Variants in EEFSEC observed in about 807,000 individuals in gnomAD.
The protein encoded by EEFSEC is selenocysteine-specific elongation factor.
EEFSEC carries 43 observed loss-of-function variants against 42.1 expected under a neutral mutation model. The ratio of observed to expected loss-of-function variants is 1.02; its 90% CI spans 0.80 to 1.32. EEFSEC has a LOEUF of 1.32. Among genes scored for constraint, EEFSEC ranks in the 40% most tolerant of loss-of-function variants. EEFSEC has a pLI of 0.00. For synonymous variants in EEFSEC, 354 were observed against 339.1 expected, an observed-to-expected ratio of 1.04 and a Z score of -0.48; for missense variants, 745 against 803.6, an observed-to-expected ratio of 0.93 and a Z score of 0.88.
chr3:128,316,417 C>T (rs1388000042), intron 4 of EEFSEC, among the ~76,000 whole-genome samples: 2 of 152,154 alleles, frequency 1.3e-5, no homozygotes, highest in African/African-American at 2.4e-5. Flanking sequence ...CATCTCATAC[C>T]GATGCCTACC....
At chr3:128,328,325 A>G (rs894214611) in intron 4 of EEFSEC, among the ~76,000 whole-genome samples, 14 of 152,168 alleles carry the variant, frequency 9.2e-5, no homozygotes, top group African/African-American at 3.1e-4. Context: ...ACAGTCTAAC[A>G]GCCATCTTGT....
chr3:128,240,393 A>G (rs924220738), intron 1 of EEFSEC, among the ~76,000 whole-genome samples: 1 of 152,124 alleles, frequency 6.6e-6, no homozygotes, highest in African/African-American at 2.4e-5. Context: ...AGCTCCTGGT[A>G]AGGTTGTGAT....
At chr3:128,239,676 C>A (rs780019123) in intron 1 of EEFSEC, among the ~76,000 whole-genome samples, 4 of 152,184 alleles carry the variant, frequency 2.6e-5, no homozygotes, top group Non-Finnish European at 4.4e-5. Flanking sequence ...TCTACAGGAA[C>A]CTGAGTTTCC....
At chr3:128,258,076 T>C (rs1319393662) in intron 2 of EEFSEC, among the ~76,000 whole-genome samples, 5 of 140,144 alleles carry the variant, frequency 3.6e-5, no homozygotes, top group Admixed American at 1.4e-4. Context: ...AGCAAATAGC[T>C]TAGATGGCAC....
intron 2 of EEFSEC, among the ~76,000 whole-genome samples, chr3:128,257,998 G>C (rs1456816534): frequency 2.0e-5 from 3 of 152,150 alleles, no homozygotes; most frequent in Non-Finnish European, 1.5e-5. Context: ...TTAGATAGTG[G>C]CATGAAATTG....
chr3:128,393,421 C>G (rs2067940563), intron 6 of EEFSEC, among the ~76,000 whole-genome samples: 1 of 152,236 alleles, frequency 6.6e-6, no homozygotes, highest in Non-Finnish European at 1.5e-5. Flanking sequence ...AACACCAGCT[C>G]TGTTTCACTG....
rs1427764826 is a variant in EEFSEC, at chr3:128,154,049, C to T, written c.316+226C>T. The T allele has an allele frequency of 8.7e-5, 34 of 391,750 alleles. No homozygotes were observed. The Admixed American group carries it at 1.7e-3, about 20-fold the overall frequency. 24.3% of individuals were successfully genotyped at this position (391,750 alleles called of 1,614,324 possible). On this transcript the variant is annotated intron_variant, in intron 1 of 6. Coordinates refer to ENST00000254730, the MANE Select transcript of EEFSEC (RefSeq NM_021937.5). ...CATCCAGCAGAACCGAGCTGCAAGG[C>T]GCCTTCCTTAAAAAAAAAAAAAAAA...
At chr3:128,354,379 G>A (rs1405327744) in intron 5 of EEFSEC, among the ~76,000 whole-genome samples, 1 of 152,094 alleles carries the variant, frequency 6.6e-6, no homozygotes, top group East Asian at 1.9e-4. Context: ...CTCCTCAGAA[G>A]GTCAAAAAAA....
At chr3:128,284,120 C>T (rs140243507) in intron 4 of EEFSEC, among the ~76,000 whole-genome samples, 2 of 152,264 alleles carry the variant, frequency 1.3e-5, no homozygotes, top group East Asian at 3.9e-4. Flanking sequence ...ACCTCCAGCC[C>T]TCCACCCCCC....
chr3:128,314,683 G>T (rs2066925991), intron 4 of EEFSEC, among the ~76,000 whole-genome samples: 2 of 152,178 alleles, frequency 1.3e-5, no homozygotes, highest in South Asian at 4.1e-4. Context: ...TGCTATGAAG[G>T]CTGTCCTGGG....
intron 6 of EEFSEC, among the ~76,000 whole-genome samples, chr3:128,379,250 A>C (rs2067745527): frequency 6.6e-6 from 1 of 152,196 alleles, no homozygotes; most frequent in Non-Finnish European, 1.5e-5. Flanking sequence ...CGCAGAGAGC[A>C]CTTCGGGGTG....
intron 6 of EEFSEC, among the ~76,000 whole-genome samples, chr3:128,375,229 T>C (rs1242000216): frequency 6.6e-6 from 1 of 152,320 alleles, no homozygotes; most frequent in Non-Finnish European, 1.5e-5. Context: ...AGACAGTCCC[T>C]GGGGGATCAG....
intron 5 of EEFSEC, among the ~76,000 whole-genome samples, chr3:128,345,063 CT>C (rs977135381): frequency 1.3e-5 from 2 of 152,146 alleles, no homozygotes; most frequent in Non-Finnish European, 2.9e-5. Context: ...CAAGCCTGGG[CT>C]TTATTTACTC....
At chr3:128,175,695 T>C (rs951204722) in intron 1 of EEFSEC, among the ~76,000 whole-genome samples, 33 of 152,240 alleles carry the variant, frequency 2.2e-4, no homozygotes, top group African/African-American at 7.0e-4. Flanking sequence ...TGGTCCCTGC[T>C]GTTGGGGGAA....
intron 1 of EEFSEC, among the ~76,000 whole-genome samples, chr3:128,220,970 C>A (rs945453520): frequency 7.2e-5 from 11 of 152,226 alleles, no homozygotes; most frequent in African/African-American, 2.7e-4. Flanking sequence ...TCTCTGTTCA[C>A]CAAAGTGAAT....
At chr3:128,381,867 G>A (rs532357944) in intron 6 of EEFSEC, among the ~76,000 whole-genome samples, 44 of 152,308 alleles carry the variant, frequency 2.9e-4, no homozygotes, top group Admixed American at 5.2e-4. Context: ...GCACAAAGAT[G>A]TTCCTTTCCC....
chr3:128,372,190 G>A lies in EEFSEC; in HGVS notation c.1600+13817G>A, dbSNP rs971219239. On this transcript the variant is annotated intron_variant, in intron 6 of 6. Coordinates refer to ENST00000254730, the MANE Select transcript of EEFSEC (RefSeq NM_021937.5). ...TTAGGCAGTGGAAAGTGGAACTTGC[G>A]ATTGGCTGTCTCTGGAGGGTCTCTC... Among the ~76,000 whole-genome samples the A allele has an allele frequency of 2.6e-5, 4 of 152,312 alleles. No individual in the cohort carries two copies. The East Asian group carries it at 5.8e-4, about 22-fold the overall frequency.
chr3:128,252,092 C>T (rs549780828), intron 2 of EEFSEC, among the ~76,000 whole-genome samples: 5 of 152,326 alleles, frequency 3.3e-5, no homozygotes, highest in African/African-American at 1.2e-4. Flanking sequence ...CTTGATACAT[C>T]ATTCCCCCAG....
intron 4 of EEFSEC, among the ~76,000 whole-genome samples, chr3:128,320,745 A>G (rs758927444): frequency 3.9e-5 from 6 of 152,224 alleles, no homozygotes; most frequent in African/African-American, 1.4e-4. Flanking sequence ...CTGTAGGACA[A>G]ACAAGCAAGG....
Sources: allele counts gnomAD v4.1 joint callset (sites outside exome capture counted in the v4.1 genomes callset), GRCh38; gene constraint gnomAD v4.1.1; transcripts MANE v1.5; gene names NCBI Gene and HGNC (gene_info 2026-07-23, HGNC 2026-07-21).